HNF4G: variants seen among roughly 807,000 people sequenced by gnomAD.
HNF4G encodes the protein hepatocyte nuclear factor 4 gamma.
A neutral mutation model predicts 50.9 loss-of-function variants in HNF4G; 21 were observed. That is an observed-to-expected ratio of 0.41 (90% CI 0.29 to 0.59). HNF4G has a LOEUF of 0.59. Ranked by LOEUF, HNF4G falls within the 20% of genes least tolerant of loss-of-function variation. The pLI, the probability that HNF4G is intolerant of heterozygous loss-of-function variation, is 0.26. For missense variants in HNF4G, 527 were observed against 559.4 expected, an observed-to-expected ratio of 0.94 and a Z score of 0.58; for synonymous variants, 198 against 185.6, an observed-to-expected ratio of 1.07 and a Z score of -0.54.
chr8:75,514,354 C>CTTTTTTTTTTTTT (rs36078375), intron 2 of HNF4G, among the ~76,000 whole-genome samples: 2 of 125,032 alleles, frequency 1.6e-5, no homozygotes, highest in East Asian at 2.3e-4. Flanking sequence ...TTTCTTCTTT[C>CTTTTTTTTTTTTT]TTTTTTTTTT....
chr8:75,438,168 A>G (rs988749860), intron 1 of HNF4G, among the ~76,000 whole-genome samples: 2 of 152,184 alleles, frequency 1.3e-5, no homozygotes, highest in Non-Finnish European at 2.9e-5. Context: ...ACATGTAATG[A>G]TGCATATACA....
intron 1 of HNF4G, among the ~76,000 whole-genome samples, chr8:75,416,091 G>T (rs2926599): frequency 0.84 from 127,970 of 152,264 alleles, 54,530 homozygotes; most frequent in African/African-American, 0.96. Context: ...AAAGTAAAAT[G>T]ATATGTTAGT....
At chr8:75,553,572 T>C (rs1807029707) in intron 5 of HNF4G, among the ~76,000 whole-genome samples, 1 of 152,088 alleles carries the variant, frequency 6.6e-6, no homozygotes, top group African/African-American at 2.4e-5. Context: ...TATTGGCGTT[T>C]ACTGAAGCTG....
In HNF4G at chr8:75,520,431, G is replaced by GT. The variant is rs201981840; in HGVS notation, c.-23-23371dup. On this transcript the variant is annotated intron_variant, in intron 2 of 10. Coordinates refer to the HNF4G transcript ENST00000354370. Reference sequence around the variant, plus strand: ...TTTCTTTCTCGTTCTTTCTTTTTATGTTTTTTTTTAAATTTTTGTTCTTTG... The same window carrying GT: ...TTTCTTTCTCGTTCTTTCTTTTTATGTTTTTTTTTTAAATTTTTGTTCTTTG... Among the ~76,000 whole-genome samples, 431 of 149,118 alleles carry GT rather than the reference G, an allele frequency of 2.9e-3. 3 individuals carry two copies. Among genetic ancestry groups the GT allele is most frequent in the East Asian group, 0.027 (136 of 5,096 alleles).
chr8:75,531,677 A>T (rs1325356929), intron 2 of HNF4G, among the ~76,000 whole-genome samples: 1 of 152,140 alleles, frequency 6.6e-6, no homozygotes, highest in Non-Finnish European at 1.5e-5. Flanking sequence ...AAATAAATGA[A>T]AAATAATAAA....
intron 2 of HNF4G, among the ~76,000 whole-genome samples, chr8:75,501,502 A>G (rs1019550189): frequency 3.9e-5 from 6 of 152,114 alleles, no homozygotes; most frequent in Non-Finnish European, 8.8e-5. Context: ...TTGAAACAGA[A>G]TCCAAATGTA....
At chr8:75,439,136 AG>A (rs1428988801) in intron 1 of HNF4G, among the ~76,000 whole-genome samples, 1 of 152,064 alleles carries the variant, frequency 6.6e-6, no homozygotes, top group Non-Finnish European at 1.5e-5. Flanking sequence ...TCATGGTTGG[AG>A]GTGTATCTTC....
chr8:75,528,026 T>C (rs1463834174), intron 2 of HNF4G, among the ~76,000 whole-genome samples: 2 of 152,212 alleles, frequency 1.3e-5, no homozygotes, highest in African/African-American at 4.8e-5. Flanking sequence ...GGCAATACCT[T>C]TATCTCTAAC....
Position 75,560,375 on chromosome 8 carries a change from T to C in HNF4G, c.1155T>C (p.His385=). 1 of 1,613,388 alleles carries C rather than the reference T, an allele frequency of 6.2e-7. No individual in the cohort carries two copies. Among genetic ancestry groups the C allele is most frequent in the Non-Finnish European group, 8.5e-7 (1 of 1,179,470 alleles). Residue 385 remains histidine, a synonymous_variant, in exon 9 of 10, where the codon CAT becomes CAC. Transcript: ENST00000396423. ...CCAATGATGGCAGTCATCTCCATCATCCAATGCATCCACATTTGTCTCAAG... is the reference window on the plus strand; with the variant it reads ...CCAATGATGGCAGTCATCTCCATCACCCAATGCATCCACATTTGTCTCAAG... ...GASNDGSHLH[H]PMHPHLSQDP...
intron 2 of HNF4G, among the ~76,000 whole-genome samples, chr8:75,495,852 A>C (rs535926954): frequency 6.6e-6 from 1 of 152,140 alleles, no homozygotes; most frequent in Non-Finnish European, 1.5e-5. Context: ...TATGCAGTAT[A>C]AAGAATAATA....
intron 8 of HNF4G, 78 bp downstream of exon 8, chr8:75,559,115 C>T (rs2130814771): frequency 1.0e-6 from 1 of 973,848 alleles, no homozygotes; most frequent in South Asian, 1.4e-5. Context: ...TTTTTTTGTC[C>T]ATATTTAATT....
chr8:75,424,754 G>GTA (rs141835367), intron 1 of HNF4G, among the ~76,000 whole-genome samples: 2,644 of 152,042 alleles, frequency 0.017, 55 homozygotes, highest in African/African-American at 0.039. Flanking sequence ...GTATTCCATG[G>GTA]TATATATATA....
At chr8:75,508,061 G>GT (rs1805642034) in intron 2 of HNF4G, among the ~76,000 whole-genome samples, 1 of 151,374 alleles carries the variant, frequency 6.6e-6, no homozygotes, top group East Asian at 1.9e-4. Flanking sequence ...GAGAATAACC[G>GT]TATCAATGGC....
intron 2 of HNF4G, among the ~76,000 whole-genome samples, chr8:75,511,319 A>T (rs1309347607): frequency 6.6e-6 from 1 of 152,188 alleles, no homozygotes; most frequent in African/African-American, 2.4e-5. Flanking sequence ...TGTTCTACTT[A>T]TAACCCTATA....
intron 1 of HNF4G, among the ~76,000 whole-genome samples, chr8:75,448,466 G>T (rs1585852548): frequency 1.3e-5 from 1 of 79,962 alleles, no homozygotes; most frequent in Admixed American, 1.4e-4. Context: ...GATACAAGAT[G>T]ATTTAAATAA....
intron 2 of HNF4G, among the ~76,000 whole-genome samples, chr8:75,513,095 T>A (rs1805799703): frequency 1.3e-5 from 2 of 152,192 alleles, no homozygotes; most frequent in African/African-American, 4.8e-5. Context: ...TGGAATGCAA[T>A]GGTGTGATCT....
intron 1 of HNF4G, among the ~76,000 whole-genome samples, chr8:75,486,854 T>G (rs1221360717): frequency 6.6e-6 from 1 of 151,998 alleles, no homozygotes; most frequent in African/African-American, 2.4e-5. Context: ...AATAAAAAAT[T>G]AGCTGGGTGT....
chr8:75,449,667 A>T (rs377518982), intron 1 of HNF4G, among the ~76,000 whole-genome samples: 9 of 151,556 alleles, frequency 5.9e-5, no homozygotes, highest in East Asian at 2.0e-4. Flanking sequence ...CCACCACGCC[A>T]GGCTAATTTT....
intron 1 of HNF4G, among the ~76,000 whole-genome samples, chr8:75,480,594 T>C (rs1812352279): frequency 6.6e-6 from 1 of 152,160 alleles, no homozygotes; most frequent in Non-Finnish European, 1.5e-5. Flanking sequence ...TGCCAGAAAA[T>C]ATATCTGGGA....
Sources: allele counts gnomAD v4.1 joint callset (sites outside exome capture counted in the v4.1 genomes callset), GRCh38; gene constraint gnomAD v4.1.1; transcripts MANE v1.5; gene names NCBI Gene and HGNC (gene_info 2026-07-23, HGNC 2026-07-21).